Variants in EXOC6B observed in about 807,000 individuals in gnomAD.
EXOC6B encodes SEC15 homolog B.
Under a neutral mutation model 113.5 loss-of-function variants are expected in EXOC6B, and 54 were observed. The ratio of observed to expected loss-of-function variants is 0.48; its 90% CI spans 0.38 to 0.60. The LOEUF is 0.60. EXOC6B is among the 20% of genes least tolerant of loss of function. The pLI, the probability that EXOC6B is intolerant of heterozygous loss-of-function variation, is 0.00. For missense variants in EXOC6B, 797 were observed against 977.5 expected (o/e 0.82, Z 2.46); for synonymous variants, 357 against 339.0 (o/e 1.05, Z -0.58).
chr2:72,326,080 G>T (rs1395618068), intron 20 of EXOC6B, among the ~76,000 whole-genome samples: 1 of 151,994 alleles, frequency 6.6e-6, no homozygotes, highest in African/African-American at 2.4e-5. Flanking sequence ...GGGTTCCAAG[G>T]CTTTTCCTTG....
chr2:72,590,211 T>G (rs1015145065), intron 6 of EXOC6B, among the ~76,000 whole-genome samples: 5 of 151,870 alleles, frequency 3.3e-5, no homozygotes, highest in Admixed American at 3.3e-4. Context: ...AGACAAAAAC[T>G]CCATACAAAG....
At chr2:72,259,001 A>G (rs1351053055) in intron 20 of EXOC6B, among the ~76,000 whole-genome samples, 1 of 152,230 alleles carries the variant, frequency 6.6e-6, no homozygotes, top group Non-Finnish European at 1.5e-5. Context: ...ACACAATTTT[A>G]TCATGATACA....
intron 20 of EXOC6B, among the ~76,000 whole-genome samples, chr2:72,264,549 T>C (rs1377227971): frequency 6.6e-6 from 1 of 152,050 alleles, no homozygotes; most frequent in Non-Finnish European, 1.5e-5. Context: ...CCAGCCTAGG[T>C]GACGAGCGAA....
intron 19 of EXOC6B, among the ~76,000 whole-genome samples, chr2:72,344,487 G>C (rs1689205446): frequency 6.6e-6 from 1 of 151,318 alleles, no homozygotes; most frequent in African/African-American, 2.4e-5. Context: ...ATACTTTCCT[G>C]TTTCTTTGTA....
At chr2:72,510,905 C>A (rs1337494803) in intron 11 of EXOC6B, among the ~76,000 whole-genome samples, 1 of 151,828 alleles carries the variant, frequency 6.6e-6, no homozygotes, top group Non-Finnish European at 1.5e-5. Flanking sequence ...TGGTTGTAAA[C>A]ATATAAATGT....
chr2:72,796,563 T>G (rs373057528), intron 1 of EXOC6B, among the ~76,000 whole-genome samples: 1 of 152,134 alleles, frequency 6.6e-6, no homozygotes, highest in Non-Finnish European at 1.5e-5. Context: ...TTTATTCATC[T>G]TTCTATCCTG....
intron 6 of EXOC6B, among the ~76,000 whole-genome samples, chr2:72,717,287 C>T (rs1679677292): frequency 6.6e-6 from 1 of 152,154 alleles, no homozygotes; most frequent in Non-Finnish European, 1.5e-5. Context: ...GAAATATAAT[C>T]TATTCCCTCA....
chr2:72,821,252 T>C lies in EXOC6B; in HGVS notation c.113+4546A>G, dbSNP rs537536781. On this transcript the variant is annotated intron_variant, in intron 1 of 21. Coordinates refer to ENST00000272427, the MANE Select transcript of EXOC6B (RefSeq NM_015189.3). ...ATGAAAAGAACAGCTATTACGGGAA[T>C]GCAAATCAAAACTACAATGAAATGC... Among the ~76,000 whole-genome samples, 3 of 152,186 alleles carry C rather than the reference T, an allele frequency of 2.0e-5. No individual in the cohort carries two copies. The South Asian group carries it at 6.2e-4, about 32-fold the overall frequency.
chr2:72,548,728 G>A (rs1446221637), intron 8 of EXOC6B, among the ~76,000 whole-genome samples: 1 of 152,110 alleles, frequency 6.6e-6, no homozygotes, highest in Non-Finnish European at 1.5e-5. Flanking sequence ...AAAAAGAGGT[G>A]AATAAATATA....
At chr2:72,799,251 A>AAC (rs1685152554) in intron 1 of EXOC6B, among the ~76,000 whole-genome samples, 1 of 150,470 alleles carries the variant, frequency 6.6e-6, no homozygotes, top group Non-Finnish European at 1.5e-5. Context: ...AAAAAAAAAA[A>AAC]AAAAAAAAAA....
At chr2:72,278,901 C>A (rs1049477597) in intron 20 of EXOC6B, among the ~76,000 whole-genome samples, 3 of 152,036 alleles carry the variant, frequency 2.0e-5, no homozygotes, top group African/African-American at 7.3e-5. Flanking sequence ...TATTTAATAT[C>A]CACAAGGCTC....
intron 20 of EXOC6B, among the ~76,000 whole-genome samples, chr2:72,286,740 G>A (rs1239799320): frequency 6.6e-6 from 1 of 152,010 alleles, no homozygotes; most frequent in Non-Finnish European, 1.5e-5. Flanking sequence ...GCATGTAGAG[G>A]GGGCAAGAAG....
At chr2:72,540,984 CTG>C (rs1553438235) in intron 8 of EXOC6B, among the ~76,000 whole-genome samples, 2 of 152,104 alleles carry the variant, frequency 1.3e-5, no homozygotes, top group Non-Finnish European at 1.5e-5. Context: ...TCTTTTGTGA[CTG>C]GCATTTGATA....
chr2:72,757,783 A>G (rs1468131753), intron 1 of EXOC6B, among the ~76,000 whole-genome samples: 1 of 152,062 alleles, frequency 6.6e-6, no homozygotes, highest in African/African-American at 2.4e-5. Context: ...AGCAATCACC[A>G]CTGGTCAGAA....
chr2:72,749,734 A>G (rs909244101), intron 1 of EXOC6B, among the ~76,000 whole-genome samples: 9 of 151,918 alleles, frequency 5.9e-5, no homozygotes, highest in Admixed American at 1.3e-4. Context: ...CACACTTAAA[A>G]TTATCATTAT....
At chr2:72,529,184 T>C (rs1293457541) in intron 8 of EXOC6B, among the ~76,000 whole-genome samples, 3 of 152,186 alleles carry the variant, frequency 2.0e-5, no homozygotes, top group African/African-American at 4.8e-5. Flanking sequence ...CTACGGGGTT[T>C]TGGCATGTTT....
At chr2:72,382,532 T>C (rs1051588601) in intron 18 of EXOC6B, among the ~76,000 whole-genome samples, 4 of 152,190 alleles carry the variant, frequency 2.6e-5, no homozygotes. Flanking sequence ...TTTGGTTCTA[T>C]ATACATTTTT....
rs142350838 is a variant in EXOC6B, at chr2:72,281,647, A to T, written c.2196+53300T>A. On this transcript the variant is annotated intron_variant, in intron 20 of 21. Transcript: ENST00000272427. ...ACAACATATGTGCATATACAGTCCC[A>T]GTGGAAGATGGAGAATGGGGGAAAA... Among the ~76,000 whole-genome samples the T allele has an allele frequency of 2.2e-4, 33 of 152,312 alleles. 1 individual carries two copies. In the East Asian group the frequency reaches 5.6e-3, roughly 26 times the overall value.
At chr2:72,287,418 G>C (rs2104696029) in intron 20 of EXOC6B, among the ~76,000 whole-genome samples, 1 of 140,620 alleles carries the variant, frequency 7.1e-6, no homozygotes, top group African/African-American at 2.7e-5. Flanking sequence ...CCGACAGAGT[G>C]AGACTTCATC....
Sources: gnomAD v4.1 joint callset for allele counts (sites outside exome capture counted in the v4.1 genomes callset) on GRCh38, gnomAD v4.1.1 for gene constraint, MANE v1.5 for transcripts, NCBI Gene and HGNC (gene_info 2026-07-23, HGNC 2026-07-21) for gene names.